STXBP5L: variants seen among roughly 807,000 people sequenced by gnomAD.
STXBP5L encodes the protein syntaxin binding protein 5L.
A neutral mutation model predicts 144.5 loss-of-function variants in STXBP5L; 65 were observed. The observed-to-expected ratio is 0.45, with a 90% CI of 0.37 to 0.55. The LOEUF (loss-of-function observed/expected upper bound fraction) is 0.55, where lower values mean the gene tolerates loss of function less well. Ranked by LOEUF, STXBP5L falls within the 20% of genes least tolerant of loss-of-function variation. The probability of loss-of-function intolerance (pLI) is 0.00; values close to 1 mark genes in which losing one functional copy is unlikely to be tolerated. For synonymous variants in STXBP5L, 505 were observed against 469.6 expected, an observed-to-expected ratio of 1.08 and a Z score of -0.97; for missense variants, 1,298 against 1,405.5, an observed-to-expected ratio of 0.92 and a Z score of 1.22.
chr3:121,109,505 G>A (rs1053345909), intron 5 of STXBP5L, among the ~76,000 whole-genome samples: 3 of 152,044 alleles, frequency 2.0e-5, no homozygotes, highest in East Asian at 1.9e-4. Flanking sequence ...GGAGCATGTC[G>A]TTGCATTTCC....
chr3:121,246,925 G>A (rs1218069784), intron 14 of STXBP5L, among the ~76,000 whole-genome samples: 1 of 152,170 alleles, frequency 6.6e-6, no homozygotes. Context: ...ATCTACTAGG[G>A]ATGAGAAAGA....
At chr3:121,282,437 C>CTG in intron 19 of STXBP5L, 1 of 1,080,420 alleles carries the variant, frequency 9.3e-7, no homozygotes, top group Non-Finnish European at 1.3e-6. Context: ...AAAACACATT[C>CTG]AGCATGCATG....
chr3:121,157,667 T>C (rs1392531771), intron 9 of STXBP5L, 40 bp downstream of exon 9: 1 of 1,572,690 alleles, frequency 6.4e-7, no homozygotes, highest in Non-Finnish European at 8.6e-7. Flanking sequence ...CACTGGCAAT[T>C]CAGTGCCTTG....
intron 20 of STXBP5L, among the ~76,000 whole-genome samples, chr3:121,326,020 GA>G (rs750444348): frequency 5.3e-5 from 8 of 150,816 alleles, no homozygotes; most frequent in Non-Finnish European, 1.0e-4. Context: ...AAAGTGGGTT[GA>G]AAAACTCAGT....
At chr3:121,218,764 A>C (rs951893525) in intron 10 of STXBP5L, among the ~76,000 whole-genome samples, 28 of 152,270 alleles carry the variant, frequency 1.8e-4, no homozygotes, top group Admixed American at 1.5e-3. Flanking sequence ...AGGCAGTGTA[A>C]AGTAATAATT....
At position 121,413,173 on chromosome 3, in the gene STXBP5L, C is replaced by T. The variant is rs1441066750; in HGVS notation, c.2964C>T (p.Arg988=). 6.3e-7 allele frequency: 1 copy of T among 1,596,714 alleles called. No homozygotes were observed. The highest frequency in any genetic ancestry group is 1.8e-5 in the Admixed American group (1 of 56,186). Reference sequence around the variant, plus strand: ...TTCCATTCAGCCTACCTAGTCTTCGCCCAATGTTGGATGTTAATTATTTGC... The same window carrying T: ...TTCCATTCAGCCTACCTAGTCTTCGTCCAATGTTGGATGTTAATTATTTGC... The part of the protein sequence containing the change: ...HIMIMSLPSL[R]PMLDVNYLPL... Residue 988 remains arginine, a synonymous_variant, in exon 24 of 27, where the codon CGC becomes CGT. Transcript: ENST00000471454.
At chr3:121,317,338 C>T (rs2043819596) in intron 19 of STXBP5L, among the ~76,000 whole-genome samples, 1 of 152,144 alleles carries the variant, frequency 6.6e-6, no homozygotes, top group Non-Finnish European at 1.5e-5. Context: ...ATGTTATTGA[C>T]TTACTTCTCT....
At chr3:121,150,525 G>T (rs1301004151) in intron 7 of STXBP5L, among the ~76,000 whole-genome samples, 4 of 151,764 alleles carry the variant, frequency 2.6e-5, no homozygotes, top group Non-Finnish European at 4.4e-5. Flanking sequence ...ACAGTTTATG[G>T]TGTTTTTGAG....
intron 5 of STXBP5L, among the ~76,000 whole-genome samples, chr3:121,074,753 A>T (rs533630095): frequency 1.3e-5 from 2 of 152,268 alleles, no homozygotes; most frequent in African/African-American, 4.8e-5. Flanking sequence ...ACCTAGGTTT[A>T]GAGTCGTGCC....
At chr3:121,366,033 A>G (rs990781178) in intron 20 of STXBP5L, among the ~76,000 whole-genome samples, 10 of 151,782 alleles carry the variant, frequency 6.6e-5, no homozygotes, top group Non-Finnish European at 1.5e-5. Context: ...ATTGGTTAAG[A>G]GAGTGTTGTT....
chr3:121,108,944 G>A (rs2107805970), intron 5 of STXBP5L, among the ~76,000 whole-genome samples: 1 of 152,122 alleles, frequency 6.6e-6, no homozygotes, highest in South Asian at 2.1e-4. Context: ...AGTCTTGGGA[G>A]GCTGTATGTG....
intron 20 of STXBP5L, among the ~76,000 whole-genome samples, chr3:121,320,531 T>G (rs893455366): frequency 6.6e-6 from 1 of 152,158 alleles, no homozygotes; most frequent in East Asian, 1.9e-4. Flanking sequence ...TAGACTTTTT[T>G]TCTTGTTCCC....
chr3:121,037,867 T>C (rs1946868607), intron 3 of STXBP5L, among the ~76,000 whole-genome samples: 1 of 152,078 alleles, frequency 6.6e-6, no homozygotes, highest in African/African-American at 2.4e-5. Flanking sequence ...TTAAATTTCC[T>C]ACTTCTCCTT....
At chr3:121,327,149 G>T (rs1320569927) in intron 20 of STXBP5L, among the ~76,000 whole-genome samples, 1 of 152,110 alleles carries the variant, frequency 6.6e-6, no homozygotes, top group Non-Finnish European at 1.5e-5. Flanking sequence ...ACTTTGAATT[G>T]AATTAGGAGT....
chr3:121,280,702 G>A (rs1362939203), intron 19 of STXBP5L, among the ~76,000 whole-genome samples: 1 of 151,794 alleles, frequency 6.6e-6, no homozygotes, highest in Non-Finnish European at 1.5e-5. Context: ...AGTCCAGTTG[G>A]TAAAAGAAAA....
intron 3 of STXBP5L, among the ~76,000 whole-genome samples, chr3:120,987,644 G>C (rs758558346): frequency 1.3e-5 from 2 of 151,696 alleles, no homozygotes; most frequent in African/African-American, 2.4e-5. Flanking sequence ...GATTGTGCTC[G>C]TGGTTTCACC....
chr3:121,114,840 A>G (rs1216279466), intron 5 of STXBP5L, 85 bp from the exon 6 acceptor site: 15 of 846,614 alleles, frequency 1.8e-5, no homozygotes, highest in Non-Finnish European at 2.2e-5. Flanking sequence ...TTATATAGCT[A>G]TCACTACATA....
chr3:120,967,833 A>G (rs1310835299), intron 3 of STXBP5L, among the ~76,000 whole-genome samples: 1 of 152,016 alleles, frequency 6.6e-6, no homozygotes, highest in East Asian at 1.9e-4. Flanking sequence ...AAAATTTTCA[A>G]TTTTCTTTTA....
chr3:121,324,037 AC>A (rs2044064626), intron 20 of STXBP5L, among the ~76,000 whole-genome samples: 3 of 152,156 alleles, frequency 2.0e-5, no homozygotes, highest in Non-Finnish European at 4.4e-5. Flanking sequence ...TTAGGTCCTG[AC>A]ACTGCTGCTA....
Sources: allele counts gnomAD v4.1 joint callset (sites outside exome capture counted in the v4.1 genomes callset), GRCh38; gene constraint gnomAD v4.1.1; transcripts MANE v1.5; gene names NCBI Gene and HGNC (gene_info 2026-07-23, HGNC 2026-07-21).